The following ADAM22 variants were observed in gnomAD, a reference collection of about 807,000 sequenced individuals.
The protein encoded by ADAM22 is disintegrin and metalloproteinase domain-containing protein 22.
Under a neutral mutation model 144.6 loss-of-function variants are expected in ADAM22, and 65 were observed. The ratio of observed to expected loss-of-function variants is 0.45; its 90% CI spans 0.37 to 0.55. ADAM22 has a LOEUF of 0.55. ADAM22 is among the 20% of genes least tolerant of loss of function. The pLI is 0.00. For synonymous variants in ADAM22, 391 were observed against 412.6 expected, an observed-to-expected ratio of 0.95 and a Z score of 0.63; for missense variants, 974 against 1,184.9, an observed-to-expected ratio of 0.82 and a Z score of 2.61.
At chr7:88,170,055 G>T (rs112617506) in intron 25 of ADAM22, among the ~76,000 whole-genome samples, 16 of 151,928 alleles carry the variant, frequency 1.1e-4, no homozygotes, top group African/African-American at 3.9e-4. Context: ...TTTTCTGCAG[G>T]TGACTTCTTA....
chr7:88,150,916 A>G (rs1205108309), intron 18 of ADAM22, 65 bp from the exon 19 acceptor site: 5 of 1,330,262 alleles, frequency 3.8e-6, no homozygotes, highest in East Asian at 2.3e-5. Flanking sequence ...TGAAAACATT[A>G]AAGGGTTTAG....
chr7:88,063,763 A>G (rs372500023), intron 3 of ADAM22, among the ~76,000 whole-genome samples: 4 of 152,208 alleles, frequency 2.6e-5, no homozygotes, highest in South Asian at 4.1e-4. Context: ...TCAGAATAGC[A>G]TTAGACAGAC....
intron 4 of ADAM22, among the ~76,000 whole-genome samples, chr7:88,102,134 G>A (rs1456017266): frequency 2.0e-5 from 3 of 152,172 alleles, no homozygotes; most frequent in African/African-American, 4.8e-5. Flanking sequence ...AGGATGTCCA[G>A]GATATGGTAG....
intron 3 of ADAM22, among the ~76,000 whole-genome samples, chr7:88,055,865 T>G (rs1808120076): frequency 6.6e-6 from 1 of 152,334 alleles, no homozygotes; most frequent in African/African-American, 2.4e-5. Flanking sequence ...CTTTTGGCTA[T>G]CTCTCCTTGA....
chr7:88,153,432 T>A, intron 21 of ADAM22, 106 bp downstream of exon 21: 5 of 871,994 alleles, frequency 5.7e-6, no homozygotes, highest in Non-Finnish European at 8.9e-6. Flanking sequence ...AAGTGTGCTC[T>A]TGCCTCCTTA....
At chr7:88,091,418 T>C (rs1819810829) in intron 4 of ADAM22, among the ~76,000 whole-genome samples, 1 of 152,184 alleles carries the variant, frequency 6.6e-6, no homozygotes, top group South Asian at 2.1e-4. Flanking sequence ...ACCAGGGATT[T>C]CCTGTATTAT....
intron 3 of ADAM22, among the ~76,000 whole-genome samples, chr7:88,064,936 ATAG>A (rs1478580989): frequency 3.3e-5 from 5 of 152,240 alleles, no homozygotes; most frequent in Admixed American, 1.3e-4. Context: ...AATCATAGTA[ATAG>A]TAGTAGTAGT....
At chr7:88,006,316 A>T (rs1793835005) in intron 3 of ADAM22, among the ~76,000 whole-genome samples, 2 of 152,262 alleles carry the variant, frequency 1.3e-5, no homozygotes, top group South Asian at 4.1e-4. Flanking sequence ...GAATTCTACC[A>T]GAGGTGCAAG....
chr7:88,122,574 CAA>C (rs986127495), intron 7 of ADAM22, among the ~76,000 whole-genome samples: 1 of 152,128 alleles, frequency 6.6e-6, no homozygotes, highest in Non-Finnish European at 1.5e-5. Context: ...AGCATCTGCT[CAA>C]AGTCTGGAAT....
At chr7:88,186,764 T>C (rs1314745304) in intron 30 of ADAM22, 63 bp downstream of exon 30, 1 of 1,013,470 alleles carries the variant, frequency 9.9e-7, no homozygotes, top group African/African-American at 1.6e-5. Context: ...AATACTGTAG[T>C]GTGACTGGCT....
At position 88,119,234 on chromosome 7, in the gene ADAM22, T is replaced by C. The variant is rs551481387; in HGVS notation, c.607+2420T>C. Among the ~76,000 whole-genome samples the C allele has an allele frequency of 2.6e-5, 4 of 152,342 alleles. No homozygotes were observed. In the South Asian group the frequency reaches 6.2e-4, roughly 24 times the overall value. ...TATAAAAGTCTTGTGTACCATTCAA[T>C]GACTTTTTACATACCTACACTCTTG... On this transcript the variant is annotated intron_variant, in intron 7 of 31. Transcript: ENST00000413139.
chr7:88,053,596 GAAAGAAA>G (rs1563114088), intron 3 of ADAM22, among the ~76,000 whole-genome samples: 246 of 33,388 alleles, frequency 7.4e-3, no homozygotes, highest in African/African-American at 0.018. Flanking sequence ...AGGAAGGAAA[GAAAGAAA>G]GAAAGAAAGA....
In ADAM22 at chr7:88,113,703, A is replaced by AATATATATATATATAT. The variant is rs58099116; in HGVS notation, c.474-859_474-844dup. 2.6e-3 allele frequency among the ~76,000 whole-genome samples: 124 copies of AATATATATATATATAT among 48,074 alleles called. 4 individuals are homozygous for AATATATATATATATAT. Among genetic ancestry groups the AATATATATATATATAT allele is most frequent in the Non-Finnish European group, 3.6e-3 (96 of 26,532 alleles). 31.5% of individuals were successfully genotyped at this position (48,074 alleles called of 152,430 possible). A position where few individuals can be genotyped will look rare whatever the true frequency, so the allele number is the denominator to read the frequency against. Reference sequence around the variant, plus strand: ...TATATATATTATAAATAAATAAATAAATATATATATATATATATATATATA... The same window carrying AATATATATATATATAT: ...TATATATATTATAAATAAATAAATAAATATATATATATATATATATATATATATATATATATATATA... On this transcript the variant is annotated intron_variant, in intron 5 of 31. Coordinates refer to ENST00000413139, the MANE Select transcript of ADAM22 (RefSeq NM_001324418.2).
chr7:88,124,119 A>G (rs1215562133), intron 7 of ADAM22, among the ~76,000 whole-genome samples: 3 of 151,950 alleles, frequency 2.0e-5, no homozygotes, highest in African/African-American at 7.2e-5. Context: ...TAAAAATGCC[A>G]ACTTAGTTAA....
intron 4 of ADAM22, among the ~76,000 whole-genome samples, chr7:88,107,125 A>C (rs1189744831): frequency 6.6e-6 from 1 of 152,046 alleles, no homozygotes; most frequent in Non-Finnish European, 1.5e-5. Context: ...AGTGACTCTC[A>C]AATGATTTAT....
chr7:88,008,926 GA>G (rs1188365132), intron 3 of ADAM22, among the ~76,000 whole-genome samples: 4 of 146,290 alleles, frequency 2.7e-5, no homozygotes, highest in Admixed American at 6.8e-5. Context: ...AGAAAAAAAA[GA>G]AAAAAAAAGA....
At chr7:88,112,399 C>T (rs1264989992) in intron 5 of ADAM22, among the ~76,000 whole-genome samples, 1 of 152,202 alleles carries the variant, frequency 6.6e-6, no homozygotes, top group African/African-American at 2.4e-5. Flanking sequence ...ACCAATTTCA[C>T]TAAATCTTCA....
intron 8 of ADAM22, among the ~76,000 whole-genome samples, chr7:88,128,231 A>G (rs1830912714): frequency 6.6e-6 from 1 of 152,098 alleles, no homozygotes; most frequent in African/African-American, 2.4e-5. Context: ...CGCTGGAGGC[A>G]GAAAGGAGTG....
At chr7:87,954,194 G>C (rs946065305) in intron 2 of ADAM22, among the ~76,000 whole-genome samples, 1 of 151,304 alleles carries the variant, frequency 6.6e-6, no homozygotes, top group African/African-American at 2.4e-5. Context: ...TATGATGTTA[G>C]CTGGTTATTT....
Sources: gnomAD v4.1 joint callset for allele counts (sites outside exome capture counted in the v4.1 genomes callset) on GRCh38, gnomAD v4.1.1 for gene constraint, MANE v1.5 for transcripts, NCBI Gene and HGNC (gene_info 2026-07-23, HGNC 2026-07-21) for gene names.